THSD4: variants seen among roughly 807,000 people sequenced by gnomAD.
THSD4 encodes the protein thrombospondin type-1 domain-containing protein 4.
A neutral mutation model predicts 119.0 loss-of-function variants in THSD4; 69 were observed. That is an observed-to-expected ratio of 0.58 (90% CI 0.48 to 0.71). The LOEUF (loss-of-function observed/expected upper bound fraction) is 0.71. THSD4 is among the 30% of genes least tolerant of loss of function. The probability of loss-of-function intolerance (pLI) is 0.00; values close to 1 mark genes in which losing one functional copy is unlikely to be tolerated. For synonymous variants in THSD4, 524 were observed against 540.4 expected (o/e 0.97, Z 0.42); for missense variants, 1,393 against 1,391.1 (o/e 1.00, Z -0.02).
intron 7 of THSD4, among the ~76,000 whole-genome samples, chr15:71,517,975 G>T (rs932050809): frequency 1.3e-5 from 2 of 152,202 alleles, no homozygotes; most frequent in Non-Finnish European, 2.9e-5. Context: ...TGCTTCATCT[G>T]TTGGCCATGA....
intron 4 of THSD4, among the ~76,000 whole-genome samples, chr15:71,238,824 T>C (rs1567165902): frequency 6.6e-6 from 1 of 152,342 alleles, no homozygotes; most frequent in East Asian, 1.9e-4. Context: ...CTGCAATTGC[T>C]AGGTCTTGTG....
chr15:71,780,553 C>A lies in THSD4; in HGVS notation c.*3179C>A. The A allele has an allele frequency of 1.8e-5, 6 of 325,542 alleles. No individual in the cohort carries two copies. Among genetic ancestry groups the A allele is most frequent in the East Asian group, 8.1e-5 (1 of 12,400 alleles). The allele number at this position is 325,542 out of a possible 1,614,324, so 20.2% of individuals were successfully genotyped here. On this transcript the variant is annotated 3_prime_UTR_variant, in exon 18 of 18. Coordinates refer to ENST00000261862, the MANE Select transcript of THSD4 (RefSeq NM_024817.3). ...AAAAACACCAAAAGAAAAAAAAAAGCCATTTAAAGCCAGCCACTAGAGGGA... is the reference window on the plus strand; with the variant it reads ...AAAAACACCAAAAGAAAAAAAAAAGACATTTAAAGCCAGCCACTAGAGGGA...
intron 7 of THSD4, among the ~76,000 whole-genome samples, chr15:71,450,633 G>T (rs1410513663): frequency 6.6e-6 from 1 of 152,190 alleles, no homozygotes; most frequent in Non-Finnish European, 1.5e-5. Context: ...GTGTAACTTT[G>T]CTCATAACTC....
chr15:71,126,234 C>T (rs1443781620), intron 1 of THSD4, among the ~76,000 whole-genome samples: 1 of 152,206 alleles, frequency 6.6e-6, no homozygotes, highest in Non-Finnish European at 1.5e-5. Flanking sequence ...GCCATGCATC[C>T]CTCTGAGCCT....
At chr15:71,186,885 A>G (rs1371317363) in intron 3 of THSD4, 2 of 152,242 alleles carry the variant, frequency 1.3e-5, no homozygotes, top group East Asian at 1.9e-4. Flanking sequence ...TTAACTAGTC[A>G]TCATTGATCT....
chr15:71,681,396 A>T (rs1432389770), intron 8 of THSD4, among the ~76,000 whole-genome samples: 1 of 151,590 alleles, frequency 6.6e-6, no homozygotes, highest in African/African-American at 2.4e-5. Flanking sequence ...TACGTGGCAC[A>T]CTGGGCGTGG....
In THSD4 at chr15:71,725,059, A is replaced by G. The variant is rs187204740; in HGVS notation, c.1358-3490A>G. Among the ~76,000 whole-genome samples, 24 of 8,096 alleles carry G rather than the reference A, an allele frequency of 3.0e-3. 4 individuals carry two copies. Among genetic ancestry groups the G allele is most frequent in the Admixed American group, 4.5e-3 (3 of 670 alleles). The allele number at this position is 8,096 out of a possible 152,430, so 5.3% of individuals were successfully genotyped here. ...TGGGTTTCTGATTACATGGATGGTGATACCATTTACTGAGATAAGAAACAC... is the reference window on the plus strand; with the variant it reads ...TGGGTTTCTGATTACATGGATGGTGGTACCATTTACTGAGATAAGAAACAC... On this transcript the variant is annotated intron_variant, in intron 8 of 17. Coordinates refer to ENST00000261862, the MANE Select transcript of THSD4 (RefSeq NM_024817.3).
chr15:71,642,751 G>C (rs1276946717), intron 7 of THSD4, among the ~76,000 whole-genome samples: 1 of 151,336 alleles, frequency 6.6e-6, no homozygotes, highest in African/African-American at 2.4e-5. Flanking sequence ...ATTGAACAAT[G>C]AGATCACATG....
At chr15:71,681,131 T>C (rs1424073591) in intron 8 of THSD4, among the ~76,000 whole-genome samples, 1 of 151,706 alleles carries the variant, frequency 6.6e-6, no homozygotes, top group Non-Finnish European at 1.5e-5. Context: ...GCTAGGGTGG[T>C]CTTGAACCCC....
intron 17 of THSD4, among the ~76,000 whole-genome samples, chr15:71,771,771 G>A (rs552466430): frequency 9.2e-5 from 14 of 152,294 alleles, no homozygotes; most frequent in African/African-American, 3.4e-4. Context: ...CAGCAGTCTT[G>A]CAATTCAGAA....
At chr15:71,683,587 T>A (rs111436554) in intron 8 of THSD4, among the ~76,000 whole-genome samples, 1 of 152,194 alleles carries the variant, frequency 6.6e-6, no homozygotes, top group Non-Finnish European at 1.5e-5. Context: ...AGGTTGTCAA[T>A]GTCTTAAGGA....
intron 7 of THSD4, among the ~76,000 whole-genome samples, chr15:71,467,845 G>GTTTTT (rs34603517): frequency 4.0e-4 from 58 of 143,700 alleles, no homozygotes; most frequent in African/African-American, 1.2e-3. Flanking sequence ...AGATATGATG[G>GTTTTT]TTTTTTTTTT....
intron 6 of THSD4, among the ~76,000 whole-genome samples, chr15:71,257,929 C>A (rs892657573): frequency 6.6e-6 from 1 of 151,888 alleles, no homozygotes; most frequent in African/African-American, 2.4e-5. Context: ...GGGTGGGGAA[C>A]AGGGTGAAGG....
intron 7 of THSD4, among the ~76,000 whole-genome samples, chr15:71,539,797 CTT>C (rs2048733234): frequency 1.3e-5 from 2 of 152,150 alleles, no homozygotes; most frequent in African/African-American, 4.8e-5. Context: ...CATCCGTTCT[CTT>C]GTTTGGCATT....
chr15:71,575,540 G>A (rs1174166636), intron 7 of THSD4, among the ~76,000 whole-genome samples: 1 of 152,122 alleles, frequency 6.6e-6, no homozygotes. Flanking sequence ...TGGAAATCGG[G>A]ACATTTTGTT....
chr15:71,350,745 G>T (rs369990923), intron 6 of THSD4, among the ~76,000 whole-genome samples: 229 of 152,204 alleles, frequency 1.5e-3, no homozygotes, highest in Non-Finnish European at 2.7e-3. Flanking sequence ...TGAGGCCTTG[G>T]GGGAGGGCAC....
chr15:71,587,839 G>A (rs1260160499), intron 7 of THSD4, among the ~76,000 whole-genome samples: 2 of 146,654 alleles, frequency 1.4e-5, no homozygotes, highest in Non-Finnish European at 1.5e-5. Context: ...GTTTTACCAT[G>A]TTTTCATTTT....
chr15:71,583,416 A>G (rs997069797), intron 7 of THSD4, among the ~76,000 whole-genome samples: 7 of 150,422 alleles, frequency 4.7e-5, no homozygotes, highest in African/African-American at 1.7e-4. Flanking sequence ...TATTTCTGCT[A>G]TAATCTTTAT....
At chr15:71,233,476 TA>T (rs1370962602) in intron 4 of THSD4, among the ~76,000 whole-genome samples, 1 of 152,038 alleles carries the variant, frequency 6.6e-6, no homozygotes, top group Non-Finnish European at 1.5e-5. Context: ...ATTTTTTCTT[TA>T]AAAAAAACAC....
Sources: allele counts gnomAD v4.1 joint callset (sites outside exome capture counted in the v4.1 genomes callset), GRCh38; gene constraint gnomAD v4.1.1; transcripts MANE v1.5; gene names NCBI Gene and HGNC (gene_info 2026-07-23, HGNC 2026-07-21).